Variants in PAN3 observed in about 807,000 individuals in gnomAD.
PAN3 encodes poly(A) specific ribonuclease subunit PAN3, also known as PAN2-PAN3 deadenylation complex subunit PAN3.
PAN3 carries 19 observed loss-of-function variants against 96.2 expected under a neutral mutation model. The observed-to-expected ratio is 0.20, with a 90% CI of 0.14 to 0.29. The LOEUF is 0.29. Ranked by LOEUF, PAN3 falls within the 10% of genes least tolerant of loss-of-function variation. PAN3 has a pLI of 1.00. For synonymous variants in PAN3, 433 were observed against 406.6 expected (o/e 1.06, Z -0.78); for missense variants, 882 against 1,108.1 (o/e 0.80, Z 2.90).
At chr13:28,158,985 A>G (rs1375515325) in intron 1 of PAN3, among the ~76,000 whole-genome samples, 1 of 152,212 alleles carries the variant, frequency 6.6e-6, no homozygotes, top group Non-Finnish European at 1.5e-5. Flanking sequence ...TTAAAAAATA[A>G]CAGATGCAGG....
intron 2 of PAN3, among the ~76,000 whole-genome samples, chr13:28,175,702 T>A (rs1227309978): frequency 6.6e-6 from 1 of 152,260 alleles, no homozygotes; most frequent in African/African-American, 2.4e-5. Context: ...GAAATGGTTA[T>A]GTTTTATGAA....
intron 9 of PAN3, among the ~76,000 whole-genome samples, chr13:28,263,306 T>C (rs1885888693): frequency 6.6e-6 from 1 of 152,188 alleles, no homozygotes; most frequent in South Asian, 2.1e-4. Context: ...AAAGAAAGCA[T>C]TGGAAAAATG....
At chr13:28,209,529 T>TA (rs1188132100) in intron 5 of PAN3, among the ~76,000 whole-genome samples, 2 of 152,234 alleles carry the variant, frequency 1.3e-5, no homozygotes, top group African/African-American at 4.8e-5. Context: ...TTTTAATAGT[T>TA]ATACATTATG....
chr13:28,147,289 C>G (rs1468656218), intron 1 of PAN3, among the ~76,000 whole-genome samples: 1 of 152,196 alleles, frequency 6.6e-6, no homozygotes, highest in Non-Finnish European at 1.5e-5. Context: ...GTAGCCCCAT[C>G]CATAAGTCTA....
At chr13:28,204,358 C>T (rs912666258) in intron 5 of PAN3, among the ~76,000 whole-genome samples, 1 of 152,162 alleles carries the variant, frequency 6.6e-6, no homozygotes, top group African/African-American at 2.4e-5. Flanking sequence ...GTTCAAATTG[C>T]CATTGCTTGG....
rs914555317 is a variant in PAN3, at chr13:28,272,364, C to G, written c.2049+293C>G. 136 of 206,152 alleles carry G rather than the reference C, an allele frequency of 6.6e-4. 1 individual carries two copies. Among genetic ancestry groups the G allele is most frequent in the African/African-American group, 3.1e-3 (133 of 43,428 alleles). 12.8% of individuals were successfully genotyped at this position (206,152 alleles called of 1,614,324 possible). On this transcript the variant is annotated intron_variant, in intron 14 of 18. Coordinates refer to ENST00000380958, the MANE Select transcript of PAN3 (RefSeq NM_175854.8). ...GCTCACTGCAGCTTTTGAACTGGGC[C>G]CAAGCAATCGTCTCGCCTCAGCCTC...
chr13:28,156,982 G>T, intron 1 of PAN3, among the ~76,000 whole-genome samples: 1 of 105,916 alleles, frequency 9.4e-6, no homozygotes, highest in Non-Finnish European at 1.7e-5. Flanking sequence ...GCAACAGAGT[G>T]AGACCCTGTC....
At chr13:28,225,417 A>G (rs759569842) in intron 6 of PAN3, among the ~76,000 whole-genome samples, 46 of 152,222 alleles carry the variant, frequency 3.0e-4, no homozygotes, top group Admixed American at 3.9e-4. Context: ...GGCATTTCAT[A>G]TCATAGATGA....
Position 28,292,352 on chromosome 13 carries a change from A to G in PAN3, c.2524-30A>G, listed in dbSNP as rs1324342249. 3 of 1,521,124 alleles carry G rather than the reference A, an allele frequency of 2.0e-6. No homozygotes were observed. The South Asian group carries it at 4.1e-5, about 21-fold the overall frequency. The allele number at this position is 1,521,124 out of a possible 1,614,324, so 94.2% of individuals were successfully genotyped here. A position where few individuals can be genotyped will look rare whatever the true frequency, so the allele number is the denominator to read the frequency against. ...ATAAATTCTTTTCTGCATGTTATGA[A>G]TTTCATATTTTGTGTATATATTGTT... On this transcript the variant is annotated intron_variant, in intron 18 of 18. Transcript: ENST00000380958.
chr13:28,213,379 G>A (rs990394578), intron 5 of PAN3, among the ~76,000 whole-genome samples: 3 of 152,014 alleles, frequency 2.0e-5, no homozygotes, highest in Non-Finnish European at 2.9e-5. Context: ...AGTGATAGCT[G>A]ATTTCTCACT....
At chr13:28,148,243 C>T (rs1040578411) in intron 1 of PAN3, among the ~76,000 whole-genome samples, 1 of 151,954 alleles carries the variant, frequency 6.6e-6, no homozygotes, top group Non-Finnish European at 1.5e-5. Context: ...GACCACCACA[C>T]CCTGCCTAAA....
At chr13:28,148,442 C>A (rs1566135832) in intron 1 of PAN3, among the ~76,000 whole-genome samples, 1 of 151,926 alleles carries the variant, frequency 6.6e-6, no homozygotes, top group Non-Finnish European at 1.5e-5. Context: ...ACCACCATGC[C>A]TGGTTATATA....
chr13:28,150,701 A>G (rs1167260763), intron 1 of PAN3, among the ~76,000 whole-genome samples: 1 of 152,064 alleles, frequency 6.6e-6, no homozygotes, highest in Non-Finnish European at 1.5e-5. Context: ...TTAGATTATG[A>G]CAAGCATTCA....
intron 1 of PAN3, among the ~76,000 whole-genome samples, chr13:28,156,155 G>C (rs9554278): frequency 6.6e-6 from 1 of 151,710 alleles, no homozygotes; most frequent in Admixed American, 6.6e-5. Context: ...AAATAAGATT[G>C]CTAGACTGCT....
At chr13:28,215,414 CTCT>C (rs765533109) in intron 5 of PAN3, 6 of 720,228 alleles carry the variant, frequency 8.3e-6, no homozygotes, top group African/African-American at 1.7e-5. Context: ...TTGAGTGAAG[CTCT>C]TCTTGGAGAC....
At chr13:28,141,462 CTTTTTTTTTT>C (rs759736683) in intron 1 of PAN3, among the ~76,000 whole-genome samples, 67 of 90,318 alleles carry the variant, frequency 7.4e-4, no homozygotes, top group African/African-American at 2.6e-3. Flanking sequence ...TTCTTTTTTT[CTTTTTTTTTT>C]TTTTTTTTTT....
intron 1 of PAN3, among the ~76,000 whole-genome samples, chr13:28,154,216 A>G (rs1480089456): frequency 6.6e-6 from 1 of 152,214 alleles, no homozygotes; most frequent in East Asian, 1.9e-4. Flanking sequence ...CCAGAGTCTT[A>G]CTGCACTGCA....
chr13:28,168,833 A>G (rs924206126), intron 1 of PAN3, among the ~76,000 whole-genome samples: 20 of 152,092 alleles, frequency 1.3e-4, no homozygotes, highest in African/African-American at 4.1e-4. Context: ...CCTGGCTAAC[A>G]TGGTGAAACC....
At chr13:28,287,532 C>T (rs571259742) in intron 17 of PAN3, among the ~76,000 whole-genome samples, 46 of 152,322 alleles carry the variant, frequency 3.0e-4, no homozygotes, top group African/African-American at 1.1e-3. Flanking sequence ...TCTGGTTCTT[C>T]ACAGCTTGTT....
Sources: allele counts gnomAD v4.1 joint callset (sites outside exome capture counted in the v4.1 genomes callset), GRCh38; gene constraint gnomAD v4.1.1; transcripts MANE v1.5; gene names NCBI Gene and HGNC (gene_info 2026-07-23, HGNC 2026-07-21).